Variants in MTCL3 observed in about 807,000 individuals in gnomAD.
MTCL3 encodes the protein MTCL family member 3.
the MTCL3 span, among the ~76,000 whole-genome samples, chr6:127,513,265 T>G: frequency 6.6e-6 from 1 of 152,194 alleles, no homozygotes; most frequent in East Asian, 1.9e-4. Context: ...TTACTTCTAT[T>G]TTGTAGATGA....
chr6:127,513,927 A>G, the MTCL3 span, among the ~76,000 whole-genome samples: 1 of 152,210 alleles, frequency 6.6e-6, no homozygotes, highest in Non-Finnish European at 1.5e-5. Context: ...CATACTAAGC[A>G]CTCGACAAAA....
the MTCL3 span, among the ~76,000 whole-genome samples, chr6:127,474,380 G>GTGAT: frequency 6.6e-6 from 1 of 152,108 alleles, no homozygotes; most frequent in African/African-American, 2.4e-5. Flanking sequence ...CCGGGTTCAA[G>GTGAT]TGATTCTCCT....
At chr6:127,489,080 A>G in the MTCL3 span, among the ~76,000 whole-genome samples, 1 of 152,204 alleles carries the variant, frequency 6.6e-6, no homozygotes, top group Non-Finnish European at 1.5e-5. Flanking sequence ...TTCTAAAAGC[A>G]TGTGCTCATT....
chr6:127,483,772 A>G, the MTCL3 span, among the ~76,000 whole-genome samples: 1 of 152,200 alleles, frequency 6.6e-6, no homozygotes, highest in Admixed American at 6.5e-5. Context: ...TCTCACACCA[A>G]TATAAGAAGA....
At chr6:127,518,225 T>C in the MTCL3 span, among the ~76,000 whole-genome samples, 1 of 152,248 alleles carries the variant, frequency 6.6e-6, no homozygotes, top group African/African-American at 2.4e-5. Flanking sequence ...GGCACTAACA[T>C]GGGCTATCTA....
At chr6:127,503,507 G>A in the MTCL3 span, among the ~76,000 whole-genome samples, 1 of 152,164 alleles carries the variant, frequency 6.6e-6, no homozygotes, top group South Asian at 2.1e-4. Context: ...GACAGGATCT[G>A]CAGTCTTCTC....
chr6:127,495,305 T>C, the MTCL3 span, among the ~76,000 whole-genome samples: 99 of 152,318 alleles, frequency 6.5e-4, 1 homozygote, highest in East Asian at 0.018. Context: ...TTACTCTTGT[T>C]AATGGATTGG....
chr6:127,517,030 T>C, the MTCL3 span, among the ~76,000 whole-genome samples: 1 of 152,066 alleles, frequency 6.6e-6, no homozygotes, highest in Non-Finnish European at 1.5e-5. Context: ...GAGGATAAAG[T>C]GGAAAAGAAG....
the MTCL3 span, chr6:127,473,224 G>T: frequency 7.0e-7 from 1 of 1,430,224 alleles, no homozygotes; most frequent in Non-Finnish European, 9.2e-7. Context: ...TTGTCTTGAA[G>T]GGTGAACAAA....
chr6:127,480,844 G>T, the MTCL3 span, among the ~76,000 whole-genome samples: 4 of 152,162 alleles, frequency 2.6e-5, no homozygotes, highest in African/African-American at 9.7e-5. Flanking sequence ...TTATAATTGA[G>T]ATATCCCATC....
the MTCL3 span, among the ~76,000 whole-genome samples, chr6:127,502,815 ATT>A: frequency 6.6e-6 from 1 of 152,182 alleles, no homozygotes; most frequent in Non-Finnish European, 1.5e-5. Flanking sequence ...AAAAATATTT[ATT>A]TTCCTTTAAA....
chr6:127,475,638 G>A, the MTCL3 span: 1 of 1,597,374 alleles, frequency 6.3e-7, no homozygotes, highest in Non-Finnish European at 8.5e-7. The surrounding 1 kb of genome is among the most constrained non-coding windows in gnomAD (Gnocchi z 7.3). Context: ...GGTAGAAGGA[G>A]CGAGTGGGCG....
At chr6:127,507,042 G>A in the MTCL3 span, among the ~76,000 whole-genome samples, 2 of 152,118 alleles carry the variant, frequency 1.3e-5, no homozygotes, top group African/African-American at 4.8e-5. Context: ...CTTGGACCAA[G>A]TTAAACTGGC....
the MTCL3 span, among the ~76,000 whole-genome samples, chr6:127,488,435 C>G: frequency 6.6e-6 from 1 of 152,210 alleles, no homozygotes. Context: ...TCCACAAGAG[C>G]AGGCTCCTAG....
chr6:127,478,102 G>A, the MTCL3 span, among the ~76,000 whole-genome samples: 1 of 152,216 alleles, frequency 6.6e-6, no homozygotes, highest in Non-Finnish European at 1.5e-5. Context: ...GAGAGGAGAA[G>A]AGGGCATGTC....
chr6:127,515,470 C>T, the MTCL3 span: 3 of 1,400,882 alleles, frequency 2.1e-6, no homozygotes, highest in South Asian at 1.7e-5. This position sits in a 1 kb window ranked among gnomAD's most constrained non-coding sequence, Gnocchi z 4.3. Context: ...TCCTCCCAGG[C>T]CCACTCTTCC....
the MTCL3 span, among the ~76,000 whole-genome samples, chr6:127,495,353 T>C: frequency 6.6e-6 from 1 of 152,180 alleles, no homozygotes; most frequent in Non-Finnish European, 1.5e-5. Flanking sequence ...TAAAAGACAC[T>C]TAGAAAATTA....
the MTCL3 span, among the ~76,000 whole-genome samples, chr6:127,493,360 A>T: frequency 6.6e-6 from 1 of 152,248 alleles, no homozygotes; most frequent in Non-Finnish European, 1.5e-5. Flanking sequence ...AAGAAGCATT[A>T]TTAATTCATT....
the MTCL3 span, among the ~76,000 whole-genome samples, chr6:127,509,324 G>T: frequency 6.6e-6 from 1 of 152,178 alleles, no homozygotes; most frequent in South Asian, 2.1e-4. Context: ...CATCCTCTCA[G>T]GGGGAGAAGA....
Sources: gnomAD v4.1 joint callset for allele counts (sites outside exome capture counted in the v4.1 genomes callset) on GRCh38, gnomAD v4.1.1 for gene constraint, Gnocchi (gnomAD v3.1) non-coding constraint, MANE v1.5 for transcripts, NCBI Gene and HGNC (gene_info 2026-07-23, HGNC 2026-07-21) for gene names.